PCNX1: variants seen among roughly 807,000 people sequenced by gnomAD.
The protein encoded by PCNX1 is pecanex-like protein 1.
PCNX1 carries 78 observed loss-of-function variants against 242.2 expected under a neutral mutation model. That is an observed-to-expected ratio of 0.32 (90% CI 0.27 to 0.39). PCNX1 has a LOEUF of 0.39. Among genes scored for constraint, PCNX1 ranks in the 10% least tolerant of loss-of-function variants. The probability of loss-of-function intolerance (pLI) is 1.00; values close to 1 mark genes in which losing one functional copy is unlikely to be tolerated. For missense variants in PCNX1, 2,581 were observed against 2,856.5 expected (o/e 0.90, Z 2.20); for synonymous variants, 1,024 against 1,032.9 (o/e 0.99, Z 0.17).
In PCNX1 at chr14:71,028,463, T is replaced by G. The variant is rs74060559; in HGVS notation, c.3467-237T>G. On this transcript the variant is annotated intron_variant, in intron 15 of 35. Coordinates refer to ENST00000304743, the MANE Select transcript of PCNX1 (RefSeq NM_014982.3). ...ATTTTTTCTTGCTACATATAAATGTTTATTGCTTCCAAGATGAACATATTT... is the reference window on the plus strand; with the variant it reads ...ATTTTTTCTTGCTACATATAAATGTGTATTGCTTCCAAGATGAACATATTT... Among the ~76,000 whole-genome samples the G allele has an allele frequency of 8.6e-3, 1,311 of 152,104 alleles. 26 individuals carry two copies. The highest frequency in any genetic ancestry group is 0.03 in the African/African-American group (1,236 of 41,554).
Position 70,912,179 on chromosome 14 carries a change from G to T in PCNX1, c.153+4176G>T, listed in dbSNP as rs544324545. ...GAACCTGGGAGGCAGAGCTTGCAGTGAGCCAAGATTGTGCCACTGCACTCC... is the reference window on the plus strand; with the variant it reads ...GAACCTGGGAGGCAGAGCTTGCAGTTAGCCAAGATTGTGCCACTGCACTCC... On this transcript the variant is annotated intron_variant, in intron 1 of 35. Transcript: ENST00000304743. Among the ~76,000 whole-genome samples, 11 of 151,702 alleles carry T rather than the reference G, an allele frequency of 7.3e-5. No individual in the cohort carries two copies. In the South Asian group the frequency reaches 2.1e-3, roughly 29 times the overall value.
intron 2 of PCNX1, among the ~76,000 whole-genome samples, chr14:70,949,270 CACACACGTGTATACACACACGTGTGT>C: frequency 4.6e-5 from 1 of 21,862 alleles, no homozygotes; most frequent in Middle Eastern, 0.015. Flanking sequence ...CACGTGTATG[CACACACGTGTATACACACACGTGTGT>C]ACACACATAT....
chr14:71,028,560 T>G, intron 15 of PCNX1, 140 bp from the exon 16 acceptor site: 1 of 555,644 alleles, frequency 1.8e-6, no homozygotes, highest in Non-Finnish European at 3.1e-6. Flanking sequence ...AATAATGAAG[T>G]AACTGAATTT....
intron 20 of PCNX1, among the ~76,000 whole-genome samples, chr14:71,046,183 C>T (rs994281760): frequency 6.6e-6 from 1 of 151,718 alleles, no homozygotes; most frequent in Non-Finnish European, 1.5e-5. Context: ...CTTTATTGGC[C>T]CATTTATACC....
chr14:71,034,429 T>C (rs1017017202), intron 18 of PCNX1, among the ~76,000 whole-genome samples: 1 of 152,182 alleles, frequency 6.6e-6, no homozygotes, highest in African/African-American at 2.4e-5. Flanking sequence ...AGTCATTTAT[T>C]AGTCTTTTAG....
chr14:70,945,121 C>T (rs2057406012), intron 1 of PCNX1, among the ~76,000 whole-genome samples: 1 of 152,130 alleles, frequency 6.6e-6, no homozygotes, highest in Non-Finnish European at 1.5e-5. Flanking sequence ...GAGGTTGGTT[C>T]CCCTGGAAAC....
rs749335777 is a variant in PCNX1, at chr14:71,110,037, C to T, written c.*102C>T. The T allele has an allele frequency of 9.5e-7, 1 of 1,058,034 alleles. No individual in the cohort carries two copies. The highest frequency in any genetic ancestry group is 1.6e-5 in the African/African-American group (1 of 64,356). The allele number at this position is 1,058,034 out of a possible 1,614,324, so 65.5% of individuals were successfully genotyped here. On this transcript the variant is annotated 3_prime_UTR_variant, in exon 36 of 36. Transcript: ENST00000304743. Reference sequence around the variant, plus strand: ...GATGCCTGCAGGTATCACTTTGATCCTATGTGGGAGCGACTGAAAATAGAA... The same window carrying T: ...GATGCCTGCAGGTATCACTTTGATCTTATGTGGGAGCGACTGAAAATAGAA...
chr14:70,908,652 G>C (rs1456090613), intron 1 of PCNX1, among the ~76,000 whole-genome samples: 2 of 152,276 alleles, frequency 1.3e-5, no homozygotes, highest in East Asian at 1.9e-4. Flanking sequence ...CTTCGCAGCG[G>C]TTCTTCTCTG....
chr14:70,973,945 A>G (rs1319328271), intron 5 of PCNX1, among the ~76,000 whole-genome samples: 1 of 152,142 alleles, frequency 6.6e-6, no homozygotes, highest in Non-Finnish European at 1.5e-5. Flanking sequence ...TACTCCAGTA[A>G]GAAACCTGCA....
At chr14:71,024,052 A>G (rs1357725652) in intron 13 of PCNX1, among the ~76,000 whole-genome samples, 2 of 152,162 alleles carry the variant, frequency 1.3e-5, no homozygotes, top group African/African-American at 4.8e-5. Context: ...TAAAGTTGGA[A>G]GGGCAGTACA....
chr14:70,949,478 A>T (rs560318808), intron 2 of PCNX1, among the ~76,000 whole-genome samples: 13 of 152,052 alleles, frequency 8.5e-5, no homozygotes, highest in African/African-American at 3.1e-4. Context: ...GTGTATATAT[A>T]TACACACACA....
chr14:70,968,214 C>T lies in PCNX1; in HGVS notation c.485C>T (p.Ser162Leu), dbSNP rs150578487. The T allele has an allele frequency of 2.4e-5, 39 of 1,612,622 alleles. No homozygotes were observed. The highest frequency in any genetic ancestry group is 5.0e-5 in the Admixed American group (3 of 59,942). Reference sequence around the variant, plus strand: ...CGTTTTCAGATTGGATCTGGTTCCTCGCGTCTTGGAACAGCAGCAACTATT... The same window carrying T: ...CGTTTTCAGATTGGATCTGGTTCCTTGCGTCTTGGAACAGCAGCAACTATT... ...DPSNQIGSGSSRLGTAATIKG... is the reference protein window; with the variant it reads ...DPSNQIGSGSLRLGTAATIKG... Residue 162 changes from serine to leucine, a missense_variant, in exon 4 of 36, where the codon TCG (serine) becomes TTG (leucine). Transcript: ENST00000304743.
intron 1 of PCNX1, among the ~76,000 whole-genome samples, chr14:70,920,084 C>T (rs2056319917): frequency 6.6e-6 from 1 of 152,128 alleles, no homozygotes; most frequent in South Asian, 2.1e-4. Flanking sequence ...GTTGTCTAGA[C>T]ATATACTCAA....
chr14:71,067,070 CT>C (rs376284780), intron 26 of PCNX1, among the ~76,000 whole-genome samples: 1,545 of 140,064 alleles, frequency 0.011, 9 homozygotes, highest in South Asian at 0.019. Context: ...CTGAAATTTT[CT>C]TTTTTTTTTT....
chr14:71,008,144 A>C lies in PCNX1; in HGVS notation c.2630-1490A>C, dbSNP rs1407600555. 2.0e-5 allele frequency among the ~76,000 whole-genome samples: 3 copies of C among 152,194 alleles called. No individual in the cohort carries two copies. In the East Asian group the frequency reaches 5.8e-4, roughly 29 times the overall value. On this transcript the variant is annotated intron_variant, in intron 8 of 35. Transcript: ENST00000304743. The stretch of plus-strand genomic sequence containing the variant: ...TCCATAGAATGTACTTAAATAATTC[A>C]AATTGTTGTTTTTTTCCTGGTTCTA...
intron 26 of PCNX1, among the ~76,000 whole-genome samples, chr14:71,067,964 G>A (rs1244844223): frequency 6.6e-6 from 1 of 151,896 alleles, no homozygotes; most frequent in Non-Finnish European, 1.5e-5. Flanking sequence ...CTAATTAGTT[G>A]TAGCACATGG....
intron 31 of PCNX1, 69 bp from the exon 32 acceptor site, chr14:71,103,326 C>A: frequency 2.0e-6 from 3 of 1,505,126 alleles, no homozygotes; most frequent in Non-Finnish European, 2.7e-6. Flanking sequence ...CCTCCCATTT[C>A]TGCTCTTCTG....
At chr14:70,950,684 T>G (rs2057742000) in intron 2 of PCNX1, among the ~76,000 whole-genome samples, 1 of 152,098 alleles carries the variant, frequency 6.6e-6, no homozygotes, top group Admixed American at 6.6e-5. Flanking sequence ...TTAATATTGT[T>G]TAATATGTAA....
chr14:71,028,988 G>C (rs927062797), intron 16 of PCNX1, among the ~76,000 whole-genome samples, 197 bp downstream of exon 16: 2 of 152,006 alleles, frequency 1.3e-5, no homozygotes, highest in Non-Finnish European at 2.9e-5. Context: ...ATTACTAAAA[G>C]AAAATTATTT....
Sources: allele counts gnomAD v4.1 joint callset (sites outside exome capture counted in the v4.1 genomes callset), GRCh38; gene constraint gnomAD v4.1.1; transcripts MANE v1.5; gene names NCBI Gene and HGNC (gene_info 2026-07-23, HGNC 2026-07-21).